The following ZNF829 variants were observed in gnomAD, a reference collection of about 807,000 sequenced individuals.
ZNF829 encodes the protein zinc finger protein 829.
A neutral mutation model predicts 35.2 loss-of-function variants in ZNF829; 25 were observed. The observed-to-expected ratio is 0.71, with a 90% CI of 0.52 to 0.99. The LOEUF (loss-of-function observed/expected upper bound fraction) is 0.99. Among genes scored for constraint, ZNF829 ranks in the 50% least tolerant of loss-of-function variants. The pLI, the probability that ZNF829 is intolerant of heterozygous loss-of-function variation, is 0.00. For missense variants in ZNF829, 417 were observed against 515.3 expected (o/e 0.81, Z 1.85); for synonymous variants, 136 against 163.2 (o/e 0.83, Z 1.27).
chr19:36,901,877 C>G, intron 5 of ZNF829: 1 of 759,692 alleles, frequency 1.3e-6, no homozygotes, highest in Admixed American at 1.7e-5. Flanking sequence ...CCCTCGGACA[C>G]TCAAAGAGAT....
intron 5 of ZNF829, 47 bp downstream of exon 5, chr19:36,907,882 G>T: frequency 6.6e-7 from 1 of 1,509,946 alleles, no homozygotes; most frequent in South Asian, 1.1e-5. Flanking sequence ...CATCTCAGAA[G>T]TATATCTCTT....
chr19:36,898,335 A>G (rs2073131321), intron 5 of ZNF829, among the ~76,000 whole-genome samples: 1 of 152,212 alleles, frequency 6.6e-6, no homozygotes, highest in Non-Finnish European at 1.5e-5. Flanking sequence ...CAAAACACAG[A>G]CAAAAGAAAT....
At chr19:36,893,268 G>T (rs1045414986) in intron 5 of ZNF829, among the ~76,000 whole-genome samples, 12 of 152,218 alleles carry the variant, frequency 7.9e-5, no homozygotes, top group African/African-American at 2.9e-4. Context: ...GCATGATATG[G>T]GCTAGGAACT....
intron 5 of ZNF829, among the ~76,000 whole-genome samples, chr19:36,902,825 G>C (rs149145275): frequency 3.7e-4 from 57 of 152,120 alleles, no homozygotes; most frequent in African/African-American, 1.1e-3. Context: ...TACTTGAGGT[G>C]AGGAGTTAGA....
rs969328028 is a variant in ZNF829 at position 36,901,180 on chromosome 19, C to T, written c.319+6749G>A. Reference sequence around the variant, plus strand: ...ATCCATAAAATGGAATAGTATTTGGCAATAAAAAGGAATGAAATGCTGATA... The same window carrying T: ...ATCCATAAAATGGAATAGTATTTGGTAATAAAAAGGAATGAAATGCTGATA... On this transcript the variant is annotated intron_variant, in intron 5 of 5. Coordinates refer to ENST00000391711, the MANE Select transcript of ZNF829 (RefSeq NM_001037232.4). 4.6e-5 allele frequency among the ~76,000 whole-genome samples: 7 copies of T among 152,236 alleles called. No individual in the cohort carries two copies. In the South Asian group the frequency reaches 1.5e-3, roughly 32 times the overall value.
At chr19:36,897,040 C>T (rs752672824) in intron 5 of ZNF829, among the ~76,000 whole-genome samples, 17 of 152,074 alleles carry the variant, frequency 1.1e-4, no homozygotes, top group African/African-American at 3.1e-4. Flanking sequence ...AGACCAATAA[C>T]GAGTAATGAG....
chr19:36,904,449 G>A (rs572570808), intron 5 of ZNF829, among the ~76,000 whole-genome samples: 65 of 152,216 alleles, frequency 4.3e-4, no homozygotes, highest in Non-Finnish European at 7.2e-4. Context: ...GCCCAGGCTG[G>A]AGTGCAGTTG....
chr19:36,899,953 G>C (rs2073148551), intron 5 of ZNF829, among the ~76,000 whole-genome samples: 1 of 151,904 alleles, frequency 6.6e-6, no homozygotes, highest in African/African-American at 2.4e-5. Flanking sequence ...GTAACACTTA[G>C]TATTTGCTAG....
chr19:36,910,679 A>G (rs142337633), intron 3 of ZNF829, among the ~76,000 whole-genome samples: 1 of 152,200 alleles, frequency 6.6e-6, no homozygotes, highest in Non-Finnish European at 1.5e-5. Context: ...CATCTCTTCC[A>G]TTTTGCTGTT....
intron 5 of ZNF829, chr19:36,892,724 T>C: frequency 1.8e-6 from 1 of 565,748 alleles, no homozygotes; most frequent in South Asian, 2.9e-5. Flanking sequence ...AGAGTCACCT[T>C]AAGCCTTGGT....
Position 36,891,324 on chromosome 19 carries a change from C to A in ZNF829, c.*168G>T, listed in dbSNP as rs757550264. 1 of 616,956 alleles carries A rather than the reference C, an allele frequency of 1.6e-6. No individual in the cohort carries two copies. The highest frequency in any genetic ancestry group is 1.9e-5 in the African/African-American group (1 of 52,596). The allele number at this position is 616,956 out of a possible 1,614,324, so 38.2% of individuals were successfully genotyped here. On this transcript the variant is annotated 3_prime_UTR_variant, in exon 6 of 6. Transcript: ENST00000391711. ...CTCTAAACTATGAGAGAATAAATTT[C>A]TCTTGTTTTAAGCCACCAAGGTTTT...
rs2073032368 is a variant in ZNF829, at chr19:36,889,691, C to T, written c.*1801G>A. On this transcript the variant is annotated 3_prime_UTR_variant, in exon 6 of 6. Coordinates refer to ENST00000391711, the MANE Select transcript of ZNF829 (RefSeq NM_001037232.4). ...TTTCTTGGTTAATCTAGCTAGTGGT[C>T]TGTCAGTTTTATCTTTGCAAAGAAC... The T allele has an allele frequency of 6.6e-6, 1 of 152,044 alleles. No individual in the cohort carries two copies. Among genetic ancestry groups the T allele is most frequent in the Non-Finnish European group, 1.5e-5 (1 of 68,008 alleles). 9.4% of individuals were successfully genotyped at this position (152,044 alleles called of 1,614,324 possible).
At chr19:36,908,278 G>A (rs1373202988) in intron 4 of ZNF829, 55 bp downstream of exon 4, 5 of 1,566,982 alleles carry the variant, frequency 3.2e-6, no homozygotes, top group Middle Eastern at 1.9e-4. Flanking sequence ...TCACAATGGA[G>A]AAAGGAGACA....
intron 3 of ZNF829, among the ~76,000 whole-genome samples, chr19:36,913,604 A>G (rs946559793): frequency 2.6e-5 from 4 of 152,178 alleles, no homozygotes; most frequent in African/African-American, 7.2e-5. Flanking sequence ...CCAAAAAGAG[A>G]TAAGACACAG....
intron 3 of ZNF829, chr19:36,912,901 G>A (rs970031572): frequency 6.6e-6 from 1 of 152,284 alleles, no homozygotes; most frequent in Non-Finnish European, 1.5e-5. Flanking sequence ...GGAGGCTGAG[G>A]CAGGAGAATC....
chr19:36,913,013 T>G (rs912828988), intron 3 of ZNF829: 5 of 152,020 alleles, frequency 3.3e-5, no homozygotes, highest in African/African-American at 4.8e-5. Flanking sequence ...AAATAAAAAT[T>G]TATTGTCTAC....
At chr19:36,904,999 T>C (rs1188443230) in intron 5 of ZNF829, among the ~76,000 whole-genome samples, 1 of 152,144 alleles carries the variant, frequency 6.6e-6, no homozygotes, top group Non-Finnish European at 1.5e-5. Context: ...CTTTGTTAAA[T>C]CTAGAATTCT....
chr19:36,909,048 G>C (rs899471308), intron 3 of ZNF829, among the ~76,000 whole-genome samples: 3 of 152,106 alleles, frequency 2.0e-5, no homozygotes, highest in Non-Finnish European at 4.4e-5. Context: ...AAGCTACTAG[G>C]CTACATGTTC....
chr19:36,910,929 C>G (rs909995379), intron 3 of ZNF829, among the ~76,000 whole-genome samples: 1 of 152,120 alleles, frequency 6.6e-6, no homozygotes, highest in Non-Finnish European at 1.5e-5. Flanking sequence ...ATTGCTTGAA[C>G]CCGGGAGGCG....
Sources: allele counts gnomAD v4.1 joint callset (sites outside exome capture counted in the v4.1 genomes callset), GRCh38; gene constraint gnomAD v4.1.1; transcripts MANE v1.5; gene names NCBI Gene and HGNC (gene_info 2026-07-23, HGNC 2026-07-21).